The following TENM3 variants were observed in gnomAD, a reference collection of about 807,000 sequenced individuals.
TENM3 encodes teneurin transmembrane protein 3.
TENM3 carries 63 observed loss-of-function variants against 255.1 expected under a neutral mutation model. The observed-to-expected ratio is 0.25, with a 90% CI of 0.20 to 0.30. The LOEUF (loss-of-function observed/expected upper bound fraction) is 0.30. Ranked by LOEUF, TENM3 falls within the 10% of genes least tolerant of loss-of-function variation. TENM3 has a pLI of 1.00. For synonymous variants in TENM3, 1,306 were observed against 1,322.3 expected (o/e 0.99, Z 0.27); for missense variants, 2,929 against 3,461.1 (o/e 0.85, Z 3.86).
At chr4:181,789,384 G>A in the TENM3 span, among the ~76,000 whole-genome samples, 2 of 148,978 alleles carry the variant, frequency 1.3e-5, no homozygotes, top group South Asian at 4.2e-4. Context: ...AGCCTCCTGA[G>A]TAGCTGGGAT....
the TENM3 span, among the ~76,000 whole-genome samples, chr4:181,794,792 A>G: frequency 2.0e-5 from 3 of 151,982 alleles, no homozygotes; most frequent in Non-Finnish European, 4.4e-5. Flanking sequence ...TAGTGGATGT[A>G]AGAAAATCAC....
the TENM3 span, among the ~76,000 whole-genome samples, chr4:181,663,790 T>C: frequency 5.9e-3 from 896 of 152,286 alleles, 6 homozygotes; most frequent in African/African-American, 0.02. Context: ...CTTCCTGAGT[T>C]AGTGACTGAC....
chr4:182,122,439 C>A, the TENM3 span, among the ~76,000 whole-genome samples: 3 of 152,184 alleles, frequency 2.0e-5, no homozygotes, highest in African/African-American at 7.2e-5. Context: ...TACTCCTTGA[C>A]TGATGGACTG....
the TENM3 span, among the ~76,000 whole-genome samples, chr4:181,478,325 A>G: frequency 2.0e-5 from 3 of 152,248 alleles, no homozygotes; most frequent in Non-Finnish European, 2.9e-5. Flanking sequence ...AGATTTAAAG[A>G]CATACATTAG....
the TENM3 span, among the ~76,000 whole-genome samples, chr4:182,112,062 G>T: frequency 6.6e-6 from 1 of 152,246 alleles, no homozygotes; most frequent in Middle Eastern, 3.4e-3. Context: ...AACCAAGGCC[G>T]GAGGATCACT....
At chr4:182,505,091 G>T (rs1040559635) in intron 3 of TENM3, among the ~76,000 whole-genome samples, 1 of 152,126 alleles carries the variant, frequency 6.6e-6, no homozygotes, top group East Asian at 1.9e-4. Flanking sequence ...ATTTGTATCA[G>T]TATAATCAAT....
the TENM3 span, among the ~76,000 whole-genome samples, chr4:181,753,399 C>G: frequency 2.6e-5 from 4 of 152,176 alleles, no homozygotes; most frequent in South Asian, 8.3e-4. Flanking sequence ...TAACTCAAAA[C>G]AGGCAGGCAG....
the TENM3 span, among the ~76,000 whole-genome samples, chr4:181,764,743 T>C: frequency 1.3e-5 from 2 of 152,210 alleles, no homozygotes; most frequent in Non-Finnish European, 2.9e-5. Flanking sequence ...CAGATTGTAC[T>C]GCAGCAGTAC....
the TENM3 span, among the ~76,000 whole-genome samples, chr4:181,657,844 T>C: frequency 1.3e-5 from 2 of 151,988 alleles, no homozygotes; most frequent in Middle Eastern, 3.4e-3. Context: ...GCAACGTGGG[T>C]GGAACCGGAG....
chr4:182,001,157 A>T, the TENM3 span, among the ~76,000 whole-genome samples: 1 of 151,590 alleles, frequency 6.6e-6, no homozygotes, highest in Non-Finnish European at 1.5e-5. Flanking sequence ...CTGTTATATA[A>T]CCTGTTTGCG....
At chr4:181,671,760 CTT>C in the TENM3 span, among the ~76,000 whole-genome samples, 2 of 147,478 alleles carry the variant, frequency 1.4e-5, no homozygotes, top group Non-Finnish European at 3.0e-5. Flanking sequence ...TTTTTTTTAT[CTT>C]TGCATTTCCT....
chr4:181,737,945 CTCTATGTATTG>C, the TENM3 span, among the ~76,000 whole-genome samples: 1 of 150,634 alleles, frequency 6.6e-6, no homozygotes, highest in African/African-American at 2.4e-5. Context: ...GGGAGTACTA[CTCTATGTATTG>C]TGCAATAAAC....
intron 12 of TENM3, among the ~76,000 whole-genome samples, chr4:182,699,199 C>T (rs1041417000): frequency 1.3e-5 from 2 of 152,154 alleles, no homozygotes; most frequent in African/African-American, 4.8e-5. Flanking sequence ...CCTACAAGGC[C>T]CACTGGAAGG....
At chr4:181,791,742 T>C in the TENM3 span, among the ~76,000 whole-genome samples, 1 of 152,204 alleles carries the variant, frequency 6.6e-6, no homozygotes, top group African/African-American at 2.4e-5. Context: ...CTGTGGTCCC[T>C]GCACTGGAGA....
At chr4:182,064,185 T>TAA in the TENM3 span, among the ~76,000 whole-genome samples, 26 of 141,374 alleles carry the variant, frequency 1.8e-4, no homozygotes, top group Admixed American at 3.6e-4. Context: ...TATTACCGAT[T>TAA]AAAAAAAAAA....
chr4:182,079,285 G>A, the TENM3 span, among the ~76,000 whole-genome samples: 5 of 152,260 alleles, frequency 3.3e-5, no homozygotes, highest in East Asian at 3.9e-4. Flanking sequence ...GGGAGGCCGA[G>A]GCGGGCAGAT....
chr4:182,770,122 A>C (rs1764072598), intron 22 of TENM3, among the ~76,000 whole-genome samples: 1 of 148,940 alleles, frequency 6.7e-6, no homozygotes, highest in Non-Finnish European at 1.5e-5. Context: ...AAAAAAAAAA[A>C]CAGTTCTTTT....
At chr4:181,609,191 C>T in the TENM3 span, among the ~76,000 whole-genome samples, 1 of 152,014 alleles carries the variant, frequency 6.6e-6, no homozygotes, top group African/African-American at 2.4e-5. Flanking sequence ...GTGAGGAGGC[C>T]GTTTTTATGA....
chr4:181,595,462 G>GAGT, the TENM3 span, among the ~76,000 whole-genome samples: 1 of 86,832 alleles, frequency 1.2e-5, no homozygotes, highest in Admixed American at 1.2e-4. Context: ...AAACAAGCAA[G>GAGT]AGTAGAATTT....
Sources: gnomAD v4.1 joint callset for allele counts (sites outside exome capture counted in the v4.1 genomes callset) on GRCh38, gnomAD v4.1.1 for gene constraint, MANE v1.5 for transcripts, NCBI Gene and HGNC (gene_info 2026-07-23, HGNC 2026-07-21) for gene names.